The following NSD1 variants were observed in gnomAD, a reference collection of about 807,000 sequenced individuals.
NSD1 encodes nuclear receptor binding SET domain protein 1.
In NSD1, 26 loss-of-function variants were observed where a neutral mutation model predicts 242.7. That is an observed-to-expected ratio of 0.11 (90% CI 0.08 to 0.15). The LOEUF is 0.15. Among genes scored for constraint, NSD1 ranks in the 10% least tolerant of loss-of-function variants. The pLI, the probability that NSD1 is intolerant of heterozygous loss-of-function variation, is 1.00. For synonymous variants in NSD1, 1,106 were observed against 1,178.1 expected (o/e 0.94, Z 1.25); for missense variants, 2,495 against 3,272.8 (o/e 0.76, Z 5.80).
At chr5:177,160,475 G>T (rs1294000972) in intron 2 of NSD1, among the ~76,000 whole-genome samples, 1 of 149,882 alleles carries the variant, frequency 6.7e-6, no homozygotes, top group East Asian at 2.0e-4. Flanking sequence ...TGATTTTTTT[G>T]TATTTTTAGT....
At chr5:177,233,180 T>C (rs560975941) in intron 5 of NSD1, among the ~76,000 whole-genome samples, 5 of 152,260 alleles carry the variant, frequency 3.3e-5, no homozygotes, top group Admixed American at 6.5e-5. Context: ...ACTCAAGCAT[T>C]CTTCCCTGGT....
intron 5 of NSD1, among the ~76,000 whole-genome samples, chr5:177,225,048 T>C (rs1764530251): frequency 6.6e-6 from 1 of 152,180 alleles, no homozygotes; most frequent in Non-Finnish European, 1.5e-5. Context: ...TTTGCTTGTA[T>C]TTTGCTGAAG....
intron 3 of NSD1, among the ~76,000 whole-genome samples, chr5:177,195,453 G>GTC (rs142942152): frequency 0.078 from 11,770 of 150,800 alleles, 954 homozygotes; most frequent in African/African-American, 0.21. Flanking sequence ...TCATTAGGGT[G>GTC]TCTCTCTCTC....
chr5:177,184,969 C>T lies in NSD1; in HGVS notation c.928-6915C>T, dbSNP rs185337962. The stretch of plus-strand genomic sequence containing the variant: ...ATATCATATAAATCAAGCATCTAAA[C>T]GGATGTGTTTTTGTCTTATATATTG... On this transcript the variant is annotated intron_variant, in intron 2 of 22. Coordinates refer to ENST00000439151, the MANE Select transcript of NSD1 (RefSeq NM_022455.5). 1.6e-4 allele frequency among the ~76,000 whole-genome samples: 24 copies of T among 152,160 alleles called. No homozygotes were observed. In the East Asian group the frequency reaches 3.9e-3, roughly 24 times the overall value.
At chr5:177,247,821 C>T in intron 10 of NSD1, 1 of 706,970 alleles carries the variant, frequency 1.4e-6, no homozygotes, top group East Asian at 1.3e-4. Context: ...CTTTCCAGGA[C>T]AATTTGAATA....
rs1182223469 is a variant in NSD1 at position 177,298,740 on chromosome 5, T to A, written c.*3281T>A. 1.3e-5 allele frequency: 3 copies of A among 233,298 alleles called. No homozygotes were observed. The highest frequency in any genetic ancestry group is 2.5e-5 in the Non-Finnish European group (3 of 118,052). The allele number at this position is 233,298 out of a possible 1,614,324, so 14.5% of individuals were successfully genotyped here. On this transcript the variant is annotated 3_prime_UTR_variant, in exon 23 of 23. Transcript: ENST00000439151. The stretch of plus-strand genomic sequence containing the variant: ...TGCTCACTGGAGCCGGACTCCCAGG[T>A]TGTAATTCTAATGTTGCCTCATGAG...
chr5:177,217,504 G>A (rs1015255371), intron 5 of NSD1, among the ~76,000 whole-genome samples: 1 of 152,074 alleles, frequency 6.6e-6, no homozygotes, highest in African/African-American at 2.4e-5. Flanking sequence ...GTGTTGAATA[G>A]GTTGCTACAG....
At chr5:177,188,111 T>C (rs1040957601) in intron 2 of NSD1, among the ~76,000 whole-genome samples, 2 of 152,218 alleles carry the variant, frequency 1.3e-5, no homozygotes, top group Non-Finnish European at 2.9e-5. Flanking sequence ...TTGTGACTTA[T>C]TCGTCTTTGT....
intron 2 of NSD1, chr5:177,136,914 C>T (rs1369692658): frequency 1.4e-6 from 1 of 701,316 alleles, no homozygotes; most frequent in East Asian, 2.7e-5. Flanking sequence ...GTCGGGACTC[C>T]TGGGCTCATT....
chr5:177,136,913 C>T (rs922221697), intron 2 of NSD1: 9 of 701,084 alleles, frequency 1.3e-5, no homozygotes, highest in Non-Finnish European at 2.3e-5. Context: ...CGTCGGGACT[C>T]CTGGGCTCAT....
At chr5:177,242,597 G>A (rs919556171) in intron 8 of NSD1, among the ~76,000 whole-genome samples, 4 of 151,168 alleles carry the variant, frequency 2.6e-5, no homozygotes, top group Admixed American at 2.0e-4. Context: ...GCACAATCTC[G>A]GCTCACCACA....
At chr5:177,140,821 G>T (rs1356271512) in intron 2 of NSD1, among the ~76,000 whole-genome samples, 1 of 152,148 alleles carries the variant, frequency 6.6e-6, no homozygotes, top group Non-Finnish European at 1.5e-5. Context: ...GGAATGGAGA[G>T]AGATGAGGCA....
At chr5:177,136,861 T>C (rs775674168) in intron 2 of NSD1, 10 of 676,896 alleles carry the variant, frequency 1.5e-5, no homozygotes, top group Non-Finnish European at 2.4e-5. Context: ...TTTATATTTA[T>C]TTATTGTTTA....
intron 5 of NSD1, 132 bp from the exon 6 acceptor site, chr5:177,235,689 T>A: frequency 8.3e-7 from 1 of 1,205,564 alleles, no homozygotes; most frequent in African/African-American, 1.5e-5. Context: ...GCCTCTTGCA[T>A]CTTAAGCCAT....
At chr5:177,262,815 C>T (rs1757098003) in intron 14 of NSD1, among the ~76,000 whole-genome samples, 1 of 152,168 alleles carries the variant, frequency 6.6e-6, no homozygotes, top group South Asian at 2.1e-4. Context: ...TTGAATTTCA[C>T]CCTGGCAATG....
In NSD1 at chr5:177,211,401, A is replaced by G; in HGVS notation, c.3002A>G (p.Asp1001Gly). The G allele has an allele frequency of 6.2e-7, 1 of 1,614,148 alleles. No homozygotes were observed. Reference sequence around the variant, plus strand: ...GCTTCCCTACCTGGCTTACTGTCCGACAAGAGAGACCTCCCTGCTTCTGGT... The same window carrying G: ...GCTTCCCTACCTGGCTTACTGTCCGGCAAGAGAGACCTCCCTGCTTCTGGT... Reference protein sequence around the residue: ...LSASLPGLLSDKRDLPASGKS... With the variant: ...LSASLPGLLSGKRDLPASGKS... The change falls in exon 5 of 23, where the codon GAC becomes GGC. Residue 1001 changes from aspartate (D) to glycine (G), a missense_variant. By Grantham distance (94) the Asp-to-Gly change is moderately conservative. This residue lies in a region of NSD1 where 426 missense variants were observed against 411.4 expected (regional missense o/e 1.04). Coordinates refer to ENST00000439151, the MANE Select transcript of NSD1 (RefSeq NM_022455.5).
intron 5 of NSD1, among the ~76,000 whole-genome samples, chr5:177,218,196 C>T (rs1763937478): frequency 6.6e-6 from 1 of 152,120 alleles, no homozygotes; most frequent in African/African-American, 2.4e-5. Context: ...TGCAGGTGTG[C>T]ACCATGACAC....
intron 9 of NSD1, among the ~76,000 whole-genome samples, chr5:177,245,297 T>G (rs1303543980): frequency 6.6e-6 from 1 of 152,232 alleles, no homozygotes; most frequent in East Asian, 1.9e-4. Context: ...ATTTCGTTTT[T>G]AAAATAAAAC....
intron 2 of NSD1, among the ~76,000 whole-genome samples, chr5:177,175,552 T>C (rs897720135): frequency 5.9e-5 from 9 of 152,014 alleles, no homozygotes; most frequent in African/African-American, 2.2e-4. Context: ...TCACTTGAGC[T>C]CAATAGGTAT....
Sources: gnomAD v4.1 joint callset for allele counts (sites outside exome capture counted in the v4.1 genomes callset) on GRCh38, gnomAD v4.1.1 for gene constraint, gnomAD v4.1.1 regional missense constraint, MANE v1.5 for transcripts, NCBI Gene and HGNC (gene_info 2026-07-23, HGNC 2026-07-21) for gene names.